The following TMEM120B variants were observed in gnomAD, a reference collection of about 807,000 sequenced individuals.
The protein encoded by TMEM120B is transmembrane protein 120B.
Under a neutral mutation model 55.5 loss-of-function variants are expected in TMEM120B, and 31 were observed. The ratio of observed to expected loss-of-function variants is 0.56; its 90% confidence interval spans 0.42 to 0.75. The LOEUF (loss-of-function observed/expected upper bound fraction) is 0.75. Among genes scored for constraint, TMEM120B ranks in the 30% least tolerant of loss-of-function variants. TMEM120B has a pLI of 0.00. For missense variants in TMEM120B, 399 were observed against 425.5 expected, an observed-to-expected ratio of 0.94 and a Z score of 0.55; for synonymous variants, 203 against 176.3, an observed-to-expected ratio of 1.15 and a Z score of -1.20.
intron 1 of TMEM120B, among the ~76,000 whole-genome samples, chr12:121,735,785 G>A (rs1383609502): frequency 6.6e-6 from 1 of 151,790 alleles, no homozygotes; most frequent in Non-Finnish European, 1.5e-5. Flanking sequence ...CCGCCTCCTG[G>A]GTTCAAGTGA....
intron 6 of TMEM120B, among the ~76,000 whole-genome samples, chr12:121,768,854 C>A (rs1278316317): frequency 2.6e-5 from 4 of 152,052 alleles, no homozygotes; most frequent in African/African-American, 4.8e-5. Context: ...GGATCAGGAG[C>A]CCCCAGCTGG....
At chr12:121,769,847 A>G (rs1376903284) in intron 6 of TMEM120B, among the ~76,000 whole-genome samples, 1 of 152,052 alleles carries the variant, frequency 6.6e-6, no homozygotes, top group Non-Finnish European at 1.5e-5. Context: ...GAGGTGACAT[A>G]GGGGTGGGAG....
In TMEM120B at chr12:121,717,885, T is replaced by C. The variant is rs551866337; in HGVS notation, c.69+4921T>C. Among the ~76,000 whole-genome samples, 15 of 152,242 alleles carry C rather than the reference T, an allele frequency of 9.9e-5. No individual in the cohort carries two copies. The South Asian group carries it at 3.1e-3, about 32-fold the overall frequency. Reference sequence around the variant, plus strand: ...GTTGGCCAGGCTGGTCTCGAATTCCTGACCTTGTGATCCGCCTGCCTCAGC... The same window carrying C: ...GTTGGCCAGGCTGGTCTCGAATTCCCGACCTTGTGATCCGCCTGCCTCAGC... On this transcript the variant is annotated intron_variant, in intron 1 of 11. Coordinates refer to ENST00000449592, the MANE Select transcript of TMEM120B (RefSeq NM_001080825.2).
chr12:121,751,589 C>T (rs1873330216), intron 4 of TMEM120B, among the ~76,000 whole-genome samples: 1 of 151,798 alleles, frequency 6.6e-6, no homozygotes, highest in Admixed American at 6.6e-5. Flanking sequence ...CACTCTCCTC[C>T]TCTGTAGGTA....
chr12:121,717,380 G>A lies in TMEM120B; in HGVS notation c.69+4416G>A, dbSNP rs180785115. ...TGCTAATGACATGTACATCCGTCTG[G>A]CTGCTGTGTATAGAATAGACATCAG... On this transcript the variant is annotated intron_variant, in intron 1 of 11. Transcript: ENST00000449592. Among the ~76,000 whole-genome samples the A allele has an allele frequency of 2.2e-4, 34 of 152,274 alleles. 1 individual carries two copies. Among genetic ancestry groups the A allele is most frequent in the Admixed American group, 2.2e-3 (34 of 15,276 alleles).
intron 5 of TMEM120B, chr12:121,758,316 G>T: frequency 5.1e-6 from 5 of 985,478 alleles, no homozygotes; most frequent in Non-Finnish European, 6.0e-6. Context: ...GCGGTCTGCC[G>T]GCCCTCCATG....
At chr12:121,744,052 CTTT>C (rs535863726) in intron 2 of TMEM120B, among the ~76,000 whole-genome samples, 2 of 138,028 alleles carry the variant, frequency 1.4e-5, no homozygotes, top group Non-Finnish European at 1.6e-5. Flanking sequence ...GAGTGTCTCT[CTTT>C]TTTTTTTTTT....
intron 5 of TMEM120B, among the ~76,000 whole-genome samples, chr12:121,761,132 C>A (rs1301062655): frequency 1.3e-4 from 20 of 152,092 alleles, no homozygotes; most frequent in Admixed American, 1.3e-3. Flanking sequence ...GTGTGTGCCA[C>A]CACACCCTGG....
At chr12:121,727,226 C>A (rs1894912842) in intron 1 of TMEM120B, among the ~76,000 whole-genome samples, 2 of 151,546 alleles carry the variant, frequency 1.3e-5, no homozygotes, top group South Asian at 4.2e-4. Flanking sequence ...GCCTCCAAGT[C>A]CCTGGTTTTT....
chr12:121,750,482 GC>G, intron 4 of TMEM120B, 43 bp downstream of exon 4: 2 of 1,174,282 alleles, frequency 1.7e-6, no homozygotes, highest in Non-Finnish European at 1.1e-6. Flanking sequence ...ACCTCACACC[GC>G]CCCCACACCC....
intron 1 of TMEM120B, among the ~76,000 whole-genome samples, chr12:121,726,926 A>G (rs1488788850): frequency 9.4e-6 from 1 of 106,666 alleles, no homozygotes; most frequent in Non-Finnish European, 1.9e-5. Context: ...AAAAAAAAAA[A>G]AAAAAAAAAA....
intron 2 of TMEM120B, among the ~76,000 whole-genome samples, chr12:121,744,847 A>C (rs1452022115): frequency 6.6e-6 from 1 of 152,096 alleles, no homozygotes; most frequent in Non-Finnish European, 1.5e-5. Context: ...GCCATTTTGG[A>C]AATGGAGGCC....
Position 121,779,714 on chromosome 12 carries a change from A to C in TMEM120B, c.*3992A>C, listed in dbSNP as rs1222257289. ...GGTGAGGGGCCCCTGGAGGTCTCCTAGCACCACCTGGTGGGTTTGGGACTG... is the reference window on the plus strand; with the variant it reads ...GGTGAGGGGCCCCTGGAGGTCTCCTCGCACCACCTGGTGGGTTTGGGACTG... On this transcript the variant is annotated 3_prime_UTR_variant, in exon 12 of 12. Transcript: ENST00000449592. 1.3e-6 allele frequency: 2 copies of C among 1,597,830 alleles called. No individual in the cohort carries two copies. The highest frequency in any genetic ancestry group is 2.2e-5 in the East Asian group (1 of 44,754).
intron 6 of TMEM120B, among the ~76,000 whole-genome samples, chr12:121,765,684 A>T (rs1873824032): frequency 6.6e-6 from 1 of 152,218 alleles, no homozygotes; most frequent in African/African-American, 2.4e-5. Context: ...AGCTGGGGCC[A>T]GCTTGTCGGG....
Position 121,758,614 on chromosome 12 carries a change from C to T in TMEM120B, c.462-3035C>T, listed in dbSNP as rs1272409467. 3.2e-5 allele frequency: 31 copies of T among 982,208 alleles called. 1 individual carries two copies. In the East Asian group the frequency reaches 2.1e-3, roughly 66 times the overall value. 60.8% of individuals were successfully genotyped at this position (982,208 alleles called of 1,614,324 possible). ...ACCATGGAGGAGGACGGCCCAGCCCCGCGCTGTGGTCACCATGGAGGAGGA... is the reference window on the plus strand; with the variant it reads ...ACCATGGAGGAGGACGGCCCAGCCCTGCGCTGTGGTCACCATGGAGGAGGA... On this transcript the variant is annotated intron_variant, in intron 5 of 11. Transcript: ENST00000449592.
At chr12:121,719,674 C>T (rs577782435) in intron 1 of TMEM120B, among the ~76,000 whole-genome samples, 1 of 152,216 alleles carries the variant, frequency 6.6e-6, no homozygotes, top group African/African-American at 2.4e-5. Context: ...GGGTGGTTCA[C>T]AGTTGCATGT....
At position 121,712,852 on chromosome 12, in the gene TMEM120B, C is replaced by T. The variant is rs1282958359; in HGVS notation, c.-44C>T. 3 of 1,398,734 alleles carry T rather than the reference C, an allele frequency of 2.1e-6. No individual in the cohort carries two copies. The highest frequency in any genetic ancestry group is 1.9e-6 in the Non-Finnish European group (2 of 1,071,252). 86.6% of individuals were successfully genotyped at this position (1,398,734 alleles called of 1,614,324 possible). On this transcript the variant is annotated 5_prime_UTR_variant, in exon 1 of 12. Transcript: ENST00000449592. ...GCGCTGGGGGGCCGGTCGGGCAGCG[C>T]TGCGGGAGCAGCCGCCGGCACCGCC... is the stretch of plus-strand genomic sequence containing the variant.
chr12:121,773,575 G>A (rs1592950819), intron 9 of TMEM120B, 62 bp downstream of exon 9: 4 of 1,327,828 alleles, frequency 3.0e-6, no homozygotes, highest in East Asian at 2.6e-5. Context: ...TCCCCACACC[G>A]GGAGTGCAGC....
At position 121,781,139 on chromosome 12, in the gene TMEM120B, C is replaced by T. The variant is rs774374703; in HGVS notation, c.*5417C>T. On this transcript the variant is annotated 3_prime_UTR_variant, in exon 12 of 12. Transcript: ENST00000449592. ...TTCATGACGTCATAGCAGATGAGCA[C>T]GAGGTGGGTGTTCTGGTAGGACAGG... is the stretch of plus-strand genomic sequence containing the variant. 12 of 1,614,064 alleles carry T rather than the reference C, an allele frequency of 7.4e-6. No individual in the cohort carries two copies. The highest frequency in any genetic ancestry group is 1.3e-5 in the African/African-American group (1 of 74,910).
Sources: gnomAD v4.1 joint callset for allele counts (sites outside exome capture counted in the v4.1 genomes callset) on GRCh38, gnomAD v4.1.1 for gene constraint, MANE v1.5 for transcripts, NCBI Gene and HGNC (gene_info 2026-07-23, HGNC 2026-07-21) for gene names.